Variants in HS3ST4 observed in about 807,000 individuals in gnomAD.
HS3ST4 encodes the protein heparan sulfate glucosamine 3-O-sulfotransferase 4.
A neutral mutation model predicts 29.2 loss-of-function variants in HS3ST4; 17 were observed. That is an observed-to-expected ratio of 0.58 (90% CI 0.40 to 0.87). HS3ST4 has a LOEUF of 0.87. HS3ST4 is among the 40% of genes least tolerant of loss of function. The pLI, the probability that HS3ST4 is intolerant of heterozygous loss-of-function variation, is 0.00. For missense variants in HS3ST4, 627 were observed against 634.5 expected, an observed-to-expected ratio of 0.99 and a Z score of 0.13; for synonymous variants, 314 against 285.7, an observed-to-expected ratio of 1.10 and a Z score of -1.00.
intron 1 of HS3ST4, chr16:26,025,341 T>C (rs1012741360): frequency 6.5e-6 from 1 of 154,424 alleles, no homozygotes; most frequent in African/African-American, 2.4e-5. Flanking sequence ...CTCCTTGCAC[T>C]TTCCATCATC....
Position 26,136,411 on chromosome 16 carries a change from AG to A in HS3ST4, c.*165del. On this transcript the variant is annotated 3_prime_UTR_variant, in exon 2 of 2. Transcript: ENST00000331351. ...TCCAGTGCTGTTAGCTTAGGCAAAC[AG>A]GTGGATCCCATGGCATCCCCATGGA... 1.5e-6 allele frequency: 1 copy of A among 683,316 alleles called. No individual in the cohort carries two copies. Among genetic ancestry groups the A allele is most frequent in the African/African-American group, 1.8e-5 (1 of 55,382 alleles). The allele number at this position is 683,316 out of a possible 1,614,324, so 42.3% of individuals were successfully genotyped here.
chr16:25,943,635 G>A (rs1968596510), intron 1 of HS3ST4, among the ~76,000 whole-genome samples: 1 of 152,154 alleles, frequency 6.6e-6, no homozygotes, highest in African/African-American at 2.4e-5. Flanking sequence ...AGGGTGGATG[G>A]CTGAATAGAA....
At chr16:25,909,191 C>T (rs981611582) in intron 1 of HS3ST4, among the ~76,000 whole-genome samples, 8 of 152,058 alleles carry the variant, frequency 5.3e-5, no homozygotes, top group African/African-American at 1.9e-4. Flanking sequence ...ATTTCTTTTT[C>T]TTTTTTCTTT....
chr16:26,009,586 A>G (rs1461944968), intron 1 of HS3ST4, among the ~76,000 whole-genome samples: 1 of 152,126 alleles, frequency 6.6e-6, no homozygotes, highest in African/African-American at 2.4e-5. Flanking sequence ...CTTCTGCCCC[A>G]CCTTACTCGG....
At chr16:25,731,849 A>G (rs962115109) in intron 1 of HS3ST4, among the ~76,000 whole-genome samples, 17 of 152,202 alleles carry the variant, frequency 1.1e-4, no homozygotes, top group Non-Finnish European at 2.4e-4. Context: ...GCTTCATTAG[A>G]TTGTGTGTAA....
At position 25,728,816 on chromosome 16, in the gene HS3ST4, T is replaced by G. The variant is rs529546488; in HGVS notation, c.734+35665T>G. On this transcript the variant is annotated intron_variant, in intron 1 of 1. Coordinates refer to ENST00000331351, the MANE Select transcript of HS3ST4 (RefSeq NM_006040.3). ...TTTTAGTCTTGGCAAAACACAGTGG[T>G]TCATGGCTATAATCCCGACACTTTG... is the stretch of plus-strand genomic sequence containing the variant. 2.7e-3 allele frequency among the ~76,000 whole-genome samples: 411 copies of G among 152,246 alleles called. 2 individuals are homozygous for G. In the South Asian group the frequency reaches 0.035, roughly 13 times the overall value.
chr16:26,069,458 T>C (rs1898577683), intron 1 of HS3ST4, among the ~76,000 whole-genome samples: 2 of 152,324 alleles, frequency 1.3e-5, no homozygotes, highest in African/African-American at 4.8e-5. Context: ...TAAAAGCACA[T>C]CCAGGGTAAC....
intron 1 of HS3ST4, among the ~76,000 whole-genome samples, chr16:25,845,711 G>A (rs1182817171): frequency 6.6e-6 from 1 of 151,002 alleles, no homozygotes; most frequent in Non-Finnish European, 1.5e-5. Context: ...TCAAAGCCTG[G>A]ATATTGTATT....
At chr16:25,830,462 C>T (rs949754511) in intron 1 of HS3ST4, among the ~76,000 whole-genome samples, 13 of 152,216 alleles carry the variant, frequency 8.5e-5, no homozygotes, top group Admixed American at 3.3e-4. Flanking sequence ...GAGGCATCAC[C>T]TGTTCTTCTC....
chr16:26,027,746 C>G (rs1969490022), intron 1 of HS3ST4, among the ~76,000 whole-genome samples: 1 of 152,174 alleles, frequency 6.6e-6, no homozygotes, highest in Non-Finnish European at 1.5e-5. Context: ...AGTAGGCATT[C>G]TCTTATTAAT....
chr16:25,821,631 A>C (rs1265022985), intron 1 of HS3ST4, among the ~76,000 whole-genome samples: 1 of 152,128 alleles, frequency 6.6e-6, no homozygotes, highest in African/African-American at 2.4e-5. Flanking sequence ...AATTGCTTTT[A>C]GAAAGGCTTT....
At chr16:25,931,127 C>CT (rs374191676) in intron 1 of HS3ST4, among the ~76,000 whole-genome samples, 3,618 of 152,196 alleles carry the variant, frequency 0.024, 159 homozygotes, top group African/African-American at 0.083. Flanking sequence ...ACCTCCACCC[C>CT]GGGAAATGCG....
rs754276753 is a variant in HS3ST4 at position 26,135,709 on chromosome 16, G to A, written c.832G>A (p.Ala278Thr). ...GGCTCCCAAGCGCATTCACTCCATG[G>A]CCAAGGACATCAAACTGATTGTGGT... ...NEAPKRIHSM[A>T]KDIKLIVVVR... The change falls in exon 2 of 2, where the codon GCC (alanine) becomes ACC (threonine). Residue 278 changes from alanine to threonine, a missense_variant. Physicochemically the swap from Ala to Thr is moderately conservative, Grantham distance 58. This residue lies in a region of HS3ST4 where 225 missense variants were observed against 293.7 expected (regional missense o/e 0.77). Transcript: ENST00000331351. 3.1e-6 allele frequency: 5 copies of A among 1,613,946 alleles called. No individual in the cohort carries two copies. The African/African-American group carries it at 5.3e-5, about 17-fold the overall frequency.
At chr16:26,006,098 A>G (rs192962565) in intron 1 of HS3ST4, among the ~76,000 whole-genome samples, 2 of 152,198 alleles carry the variant, frequency 1.3e-5, no homozygotes, top group East Asian at 3.9e-4. Flanking sequence ...TAGGAGTTCA[A>G]GACCAGCCTG....
intron 1 of HS3ST4, among the ~76,000 whole-genome samples, chr16:25,892,580 A>G (rs1045805424): frequency 3.9e-5 from 6 of 152,170 alleles, no homozygotes; most frequent in Admixed American, 2.0e-4. Flanking sequence ...ACTGCCTGGT[A>G]TCCGTCTTTG....
At chr16:25,965,780 T>C (rs1968836660) in intron 1 of HS3ST4, among the ~76,000 whole-genome samples, 1 of 152,370 alleles carries the variant, frequency 6.6e-6, no homozygotes, top group African/African-American at 2.4e-5. Context: ...ACAAATATAC[T>C]TGATTGCAAC....
chr16:25,881,784 G>A (rs1967898576), intron 1 of HS3ST4, among the ~76,000 whole-genome samples: 2 of 152,176 alleles, frequency 1.3e-5, no homozygotes, highest in African/African-American at 4.8e-5. Flanking sequence ...AGAATGGTGA[G>A]CCTCAGGGGA....
intron 1 of HS3ST4, among the ~76,000 whole-genome samples, chr16:26,113,027 A>G (rs568996771): frequency 6.6e-6 from 1 of 152,366 alleles, no homozygotes; most frequent in Non-Finnish European, 1.5e-5. Flanking sequence ...TGAAGCAAAA[A>G]TATAGAAGCA....
intron 1 of HS3ST4, among the ~76,000 whole-genome samples, chr16:25,960,551 C>G (rs1968785020): frequency 1.3e-5 from 2 of 152,126 alleles, no homozygotes; most frequent in South Asian, 4.1e-4. Context: ...TAGTTTGAGA[C>G]CCAGTATCTG....
Sources: allele counts gnomAD v4.1 joint callset (sites outside exome capture counted in the v4.1 genomes callset), GRCh38; gene constraint gnomAD v4.1.1; regional missense constraint gnomAD v4.1.1; transcripts MANE v1.5; gene names NCBI Gene and HGNC (gene_info 2026-07-23, HGNC 2026-07-21).